The following DNAJC1 variants were observed in gnomAD, a reference collection of about 807,000 sequenced individuals.
The protein encoded by DNAJC1 is dnaJ homolog subfamily C member 1.
In DNAJC1, 58 loss-of-function variants were observed where a neutral mutation model predicts 76.6. The ratio of observed to expected loss-of-function variants is 0.76; its 90% CI spans 0.61 to 0.94. DNAJC1 has a LOEUF of 0.94. Ranked by LOEUF, DNAJC1 falls within the 40% of genes least tolerant of loss-of-function variation. The pLI, the probability that DNAJC1 is intolerant of heterozygous loss-of-function variation, is 0.00. For synonymous variants in DNAJC1, 258 were observed against 267.9 expected, an observed-to-expected ratio of 0.96 and a Z score of 0.36; for missense variants, 689 against 677.3, an observed-to-expected ratio of 1.02 and a Z score of -0.19.
intron 6 of DNAJC1, among the ~76,000 whole-genome samples, chr10:21,909,291 G>A (rs976260342): frequency 6.6e-6 from 1 of 152,214 alleles, no homozygotes. Context: ...ATGTATGAGT[G>A]TTCTTTGTAC....
intron 8 of DNAJC1, among the ~76,000 whole-genome samples, chr10:21,852,705 G>A (rs1260463791): frequency 2.0e-5 from 3 of 151,698 alleles, no homozygotes; most frequent in African/African-American, 7.3e-5. Flanking sequence ...CAAGCATAAT[G>A]CTTGGTTAGG....
intron 1 of DNAJC1, among the ~76,000 whole-genome samples, chr10:21,998,675 C>G (rs1396772019): frequency 6.6e-6 from 1 of 152,022 alleles, no homozygotes; most frequent in Admixed American, 6.6e-5. Context: ...TATATACCCC[C>G]CAACAAAGAC....
intron 5 of DNAJC1, among the ~76,000 whole-genome samples, chr10:21,919,461 G>C (rs994869427): frequency 1.3e-5 from 2 of 152,082 alleles, no homozygotes; most frequent in East Asian, 3.9e-4. Context: ...TGAATCAATA[G>C]AAGAAATGGT....
At chr10:21,995,693 CAT>C (rs1040911301) in intron 1 of DNAJC1, among the ~76,000 whole-genome samples, 4 of 152,214 alleles carry the variant, frequency 2.6e-5, no homozygotes, top group Non-Finnish European at 4.4e-5. Flanking sequence ...GTTTTATACA[CAT>C]ATTCTAACAA....
At chr10:21,941,469 A>G (rs1267947833) in intron 1 of DNAJC1, among the ~76,000 whole-genome samples, 2 of 152,070 alleles carry the variant, frequency 1.3e-5, no homozygotes, top group Non-Finnish European at 2.9e-5. Flanking sequence ...GGTATTTAAT[A>G]TCTCTTTATC....
intron 1 of DNAJC1, among the ~76,000 whole-genome samples, chr10:21,991,579 A>G (rs1272831049): frequency 6.6e-6 from 1 of 152,234 alleles, no homozygotes; most frequent in South Asian, 2.1e-4. Context: ...TACGAAAACT[A>G]CAAACTATGT....
chr10:21,844,311 T>C (rs1361106109), intron 8 of DNAJC1, among the ~76,000 whole-genome samples: 1 of 151,988 alleles, frequency 6.6e-6, no homozygotes, highest in Non-Finnish European at 1.5e-5. Context: ...TTTCACAACG[T>C]TGCCCAGGCT....
chr10:21,920,755 AAATT>A, intron 4 of DNAJC1, 39 bp downstream of exon 4: 1 of 1,532,382 alleles, frequency 6.5e-7, no homozygotes, highest in Non-Finnish European at 8.8e-7. Context: ...ATTCCATATA[AAATT>A]AAGGAGGCTA....
At chr10:21,881,934 C>T (rs1361222557) in intron 8 of DNAJC1, among the ~76,000 whole-genome samples, 1 of 150,202 alleles carries the variant, frequency 6.7e-6, no homozygotes, top group Non-Finnish European at 1.5e-5. Context: ...GGGGGCAGAT[C>T]ATGAGGTCAG....
chr10:21,828,591 A>G (rs899831687), intron 8 of DNAJC1, among the ~76,000 whole-genome samples: 1 of 152,344 alleles, frequency 6.6e-6, no homozygotes, highest in East Asian at 1.9e-4. Flanking sequence ...AGTAGAACCA[A>G]TAACATAATA....
At chr10:21,789,569 A>C (rs1380010492) in intron 9 of DNAJC1, among the ~76,000 whole-genome samples, 1 of 152,216 alleles carries the variant, frequency 6.6e-6, no homozygotes, top group Non-Finnish European at 1.5e-5. Context: ...GAACTTAAGG[A>C]AACTCACCAA....
At chr10:21,878,290 T>C (rs375446923) in intron 8 of DNAJC1, among the ~76,000 whole-genome samples, 22 of 152,348 alleles carry the variant, frequency 1.4e-4, no homozygotes, top group African/African-American at 4.8e-4. Flanking sequence ...CACACAGAGA[T>C]GATTAGCATC....
chr10:21,873,152 A>T (rs954090813), intron 8 of DNAJC1, among the ~76,000 whole-genome samples: 3 of 152,094 alleles, frequency 2.0e-5, no homozygotes, highest in South Asian at 2.1e-4. Flanking sequence ...GGACCCCCTT[A>T]GAGTTGTAAG....
intron 1 of DNAJC1, among the ~76,000 whole-genome samples, chr10:21,947,563 T>C (rs1195333794): frequency 6.6e-6 from 1 of 152,266 alleles, no homozygotes; most frequent in African/African-American, 2.4e-5. Context: ...CAGTATATGA[T>C]ACATATAACG....
At chr10:21,986,488 T>A (rs1590080880) in intron 1 of DNAJC1, among the ~76,000 whole-genome samples, 2 of 152,314 alleles carry the variant, frequency 1.3e-5, no homozygotes, top group African/African-American at 4.8e-5. Flanking sequence ...GTTTTTGGAT[T>A]CTCTTTATTA....
intron 1 of DNAJC1, among the ~76,000 whole-genome samples, chr10:21,949,411 C>CTTTTT (rs1201250094): frequency 4.3e-5 from 3 of 70,178 alleles, no homozygotes; most frequent in African/African-American, 1.1e-4. Context: ...CCCCCTTCTT[C>CTTTTT]TTTTTTTTTT....
At chr10:21,963,675 G>A (rs959172126) in intron 1 of DNAJC1, among the ~76,000 whole-genome samples, 2 of 151,976 alleles carry the variant, frequency 1.3e-5, no homozygotes, top group Admixed American at 6.6e-5. Flanking sequence ...ATCTTTTTGC[G>A]TCTTTGTATT....
chr10:21,913,364 T>C (rs1836899289), intron 6 of DNAJC1, among the ~76,000 whole-genome samples: 2 of 152,154 alleles, frequency 1.3e-5, no homozygotes, highest in Admixed American at 6.5e-5. Context: ...ACCTGTTTGA[T>C]CTCAGAAAAT....
chr10:21,909,115 T>C (rs1336301369), intron 6 of DNAJC1, among the ~76,000 whole-genome samples: 1 of 152,256 alleles, frequency 6.6e-6, no homozygotes, highest in Non-Finnish European at 1.5e-5. Context: ...CTTGAACTCC[T>C]GGCCTCAGGT....
Sources: gnomAD v4.1 joint callset for allele counts (sites outside exome capture counted in the v4.1 genomes callset) on GRCh38, gnomAD v4.1.1 for gene constraint, MANE v1.5 for transcripts, NCBI Gene and HGNC (gene_info 2026-07-23, HGNC 2026-07-21) for gene names.